The following PDGFC variants were observed in gnomAD, a reference collection of about 807,000 sequenced individuals.
PDGFC encodes the protein platelet-derived growth factor C.
PDGFC carries 12 observed loss-of-function variants against 35.5 expected under a neutral mutation model. The observed-to-expected ratio is 0.34, with a 90% CI of 0.22 to 0.55. PDGFC has a LOEUF of 0.55. Ranked by LOEUF, PDGFC falls within the 20% of genes least tolerant of loss-of-function variation. PDGFC has a pLI of 0.91. For missense variants in PDGFC, 322 were observed against 412.4 expected, an observed-to-expected ratio of 0.78 and a Z score of 1.90; for synonymous variants, 159 against 148.8, an observed-to-expected ratio of 1.07 and a Z score of -0.50.
intron 2 of PDGFC, among the ~76,000 whole-genome samples, chr4:156,811,568 C>T (rs1579024568): frequency 6.6e-6 from 1 of 151,992 alleles, no homozygotes; most frequent in Admixed American, 6.6e-5. Flanking sequence ...TCATCTTTCT[C>T]GTTTTGATAA....
chr4:156,922,557 T>C (rs868061189), intron 1 of PDGFC, among the ~76,000 whole-genome samples: 1 of 152,158 alleles, frequency 6.6e-6, no homozygotes, highest in Admixed American at 6.5e-5. Flanking sequence ...AAAAGACTCA[T>C]GGTTTTCAGG....
At chr4:156,818,777 C>T (rs570959713) in intron 2 of PDGFC, among the ~76,000 whole-genome samples, 3 of 152,236 alleles carry the variant, frequency 2.0e-5, no homozygotes, top group African/African-American at 7.2e-5. Context: ...GCTGGGATTA[C>T]AGGCTTGAGC....
intron 4 of PDGFC, among the ~76,000 whole-genome samples, chr4:156,768,316 TAAA>T (rs34242897): frequency 6.0e-4 from 83 of 139,210 alleles, no homozygotes; most frequent in Middle Eastern, 7.4e-3. Context: ...TTAACCTTAG[TAAA>T]AAAAAAAAAA....
chr4:156,822,248 A>G (rs1338890507), intron 2 of PDGFC, among the ~76,000 whole-genome samples: 2 of 151,196 alleles, frequency 1.3e-5, no homozygotes, highest in East Asian at 2.0e-4. Context: ...AGTCCCAGCT[A>G]CCTGGGAGGC....
At chr4:156,932,462 C>T (rs1448891039) in intron 1 of PDGFC, among the ~76,000 whole-genome samples, 12 of 152,052 alleles carry the variant, frequency 7.9e-5, no homozygotes, top group Admixed American at 7.9e-4. Context: ...TTTATTGTGG[C>T]ACTATTCACA....
intron 1 of PDGFC, among the ~76,000 whole-genome samples, chr4:156,918,813 A>C (rs1255174965): frequency 6.6e-6 from 1 of 152,106 alleles, no homozygotes; most frequent in Non-Finnish European, 1.5e-5. Context: ...ATTTTACACT[A>C]ATTTATTAGA....
chr4:156,885,056 A>C (rs1474226718), intron 1 of PDGFC, among the ~76,000 whole-genome samples: 1 of 152,178 alleles, frequency 6.6e-6, no homozygotes, highest in African/African-American at 2.4e-5. Flanking sequence ...AGATCATAAC[A>C]ATAATGTTTC....
intron 3 of PDGFC, among the ~76,000 whole-genome samples, chr4:156,791,807 C>T (rs12651147): frequency 0.022 from 3,384 of 152,210 alleles, 137 homozygotes; most frequent in South Asian, 0.17. Flanking sequence ...TACAAAGATG[C>T]ATTACAAAGA....
chr4:156,803,563 T>G (rs1012542598), intron 3 of PDGFC, among the ~76,000 whole-genome samples: 1 of 152,052 alleles, frequency 6.6e-6, no homozygotes, highest in Admixed American at 6.6e-5. Flanking sequence ...GCATGTTAAA[T>G]AGAGTCGTAG....
chr4:156,825,584 TAATAATAATAAG>T lies in PDGFC; in HGVS notation c.315-14579_315-14568del, dbSNP rs1257560500. On this transcript the variant is annotated intron_variant, in intron 2 of 5. Coordinates refer to ENST00000502773, the MANE Select transcript of PDGFC (RefSeq NM_016205.3). ...ATAATAATAATAATAATAATAATAATAATAATAATAAGAAGAAGAAGAAGAAGAAGAAGAAGA... is the reference window on the plus strand; with the variant it reads ...ATAATAATAATAATAATAATAATAATAAGAAGAAGAAGAAGAAGAAGAAGA... 5.9e-3 allele frequency among the ~76,000 whole-genome samples: 531 copies of T among 90,094 alleles called. 2 individuals carry two copies. Among genetic ancestry groups the T allele is most frequent in the African/African-American group, 1.0e-2 (165 of 16,570 alleles). The allele number at this position is 90,094 out of a possible 152,430, so 59.1% of individuals were successfully genotyped here. A position where few individuals can be genotyped will look rare whatever the true frequency, so the allele number is the denominator to read the frequency against.
intron 1 of PDGFC, among the ~76,000 whole-genome samples, chr4:156,892,063 T>C (rs937282569): frequency 6.6e-6 from 1 of 152,194 alleles, no homozygotes; most frequent in Non-Finnish European, 1.5e-5. Context: ...AAGCCTTGTG[T>C]AAGCTCTAAA....
rs567975186 is a variant in PDGFC at position 156,917,227 on chromosome 4, T to C, written c.118+53559A>G. The stretch of plus-strand genomic sequence containing the variant: ...ATCACTCAACCCATTGGGGAACTGA[T>C]TGAATGATTCTTTGGGGAAAAATAT... On this transcript the variant is annotated intron_variant, in intron 1 of 5. Coordinates refer to ENST00000502773, the MANE Select transcript of PDGFC (RefSeq NM_016205.3). 3.9e-5 allele frequency among the ~76,000 whole-genome samples: 6 copies of C among 152,322 alleles called. No homozygotes were observed. The South Asian group carries it at 6.2e-4, about 16-fold the overall frequency.
intron 2 of PDGFC, among the ~76,000 whole-genome samples, chr4:156,824,325 T>TATATATACACATATACAC (rs1313538089): frequency 3.3e-4 from 36 of 109,570 alleles, no homozygotes; most frequent in Middle Eastern, 4.3e-3. Flanking sequence ...TATATATATA[T>TATATATACACATATACAC]ATACACACAC....
At chr4:156,912,989 C>T (rs2110811805) in intron 1 of PDGFC, among the ~76,000 whole-genome samples, 1 of 152,148 alleles carries the variant, frequency 6.6e-6, no homozygotes, top group South Asian at 2.1e-4. Flanking sequence ...TGGACATAAG[C>T]TTCCAGTTGA....
intron 2 of PDGFC, among the ~76,000 whole-genome samples, chr4:156,812,279 TAACA>T (rs1482351687): frequency 1.3e-5 from 2 of 152,102 alleles, no homozygotes; most frequent in African/African-American, 4.8e-5. Context: ...TAAAAGATGC[TAACA>T]TTTTCCCTTT....
At chr4:156,903,104 A>T (rs62331509) in intron 1 of PDGFC, among the ~76,000 whole-genome samples, 2,542 of 130,696 alleles carry the variant, frequency 0.019, 69 homozygotes, top group African/African-American at 0.06. Flanking sequence ...AGAGAGAGAG[A>T]GTGTGTGTGT....
At chr4:156,921,132 C>T (rs945554475) in intron 1 of PDGFC, among the ~76,000 whole-genome samples, 2 of 152,056 alleles carry the variant, frequency 1.3e-5, no homozygotes, top group African/African-American at 4.8e-5. Flanking sequence ...TGTTTTCTTC[C>T]CATGCTGTGC....
chr4:156,971,258 C>T lies in PDGFC; in HGVS notation c.-355G>A, dbSNP rs992816076. 1.2e-5 allele frequency: 5 copies of T among 431,066 alleles called. No homozygotes were observed. The highest frequency in any genetic ancestry group is 1.6e-5 in the Non-Finnish European group (4 of 244,090). The allele number at this position is 431,066 out of a possible 1,614,324, so 26.7% of individuals were successfully genotyped here. A position where few individuals can be genotyped will look rare whatever the true frequency, so the allele number is the denominator to read the frequency against. ...GCGGCGAGAAGTCCCCAGCAAGTTG[C>T]TGGGAGCACCTGTCAGTTCGGGGGA... On this transcript the variant is annotated 5_prime_UTR_variant, in exon 1 of 6. Transcript: ENST00000502773.
chr4:156,927,318 C>T (rs556396410), intron 1 of PDGFC, among the ~76,000 whole-genome samples: 53 of 152,228 alleles, frequency 3.5e-4, no homozygotes, highest in African/African-American at 1.2e-3. Context: ...AGGTTAACAT[C>T]GGGCTGCTTG....
Sources: allele counts gnomAD v4.1 joint callset (sites outside exome capture counted in the v4.1 genomes callset), GRCh38; gene constraint gnomAD v4.1.1; transcripts MANE v1.5; gene names NCBI Gene and HGNC (gene_info 2026-07-23, HGNC 2026-07-21).